GTF2F2: variants seen among roughly 807,000 people sequenced by gnomAD.
GTF2F2 encodes ATP-dependent helicase GTF2F2.
Under a neutral mutation model 42.2 loss-of-function variants are expected in GTF2F2, and 23 were observed. The ratio of observed to expected loss-of-function variants is 0.55; its 90% confidence interval spans 0.39 to 0.77. The LOEUF is 0.77. Among genes scored for constraint, GTF2F2 ranks in the 30% least tolerant of loss-of-function variants. The pLI is 0.00. For synonymous variants in GTF2F2, 105 were observed against 100.8 expected (o/e 1.04, Z -0.25); for missense variants, 261 against 287.2 (o/e 0.91, Z 0.66).
At chr13:45,153,253 C>G (rs568200553) in intron 4 of GTF2F2, among the ~76,000 whole-genome samples, 1 of 151,746 alleles carries the variant, frequency 6.6e-6, no homozygotes, top group Non-Finnish European at 1.5e-5. Context: ...CTCCTGACCT[C>G]GTGATCCGCC....
intron 4 of GTF2F2, among the ~76,000 whole-genome samples, chr13:45,169,093 G>T (rs955809089): frequency 2.6e-5 from 4 of 151,828 alleles, no homozygotes; most frequent in African/African-American, 9.7e-5. Flanking sequence ...GACCTCAAGT[G>T]ATCCGATCGC....
chr13:45,172,989 A>G (rs1871672104), intron 4 of GTF2F2, among the ~76,000 whole-genome samples: 1 of 152,126 alleles, frequency 6.6e-6, no homozygotes, highest in Non-Finnish European at 1.5e-5. Flanking sequence ...ATTTTTGCAA[A>G]AAGTAAAAAG....
rs993805155 is a variant in GTF2F2, at chr13:45,170,264, G to A, written c.304+18433G>A. On this transcript the variant is annotated intron_variant, in intron 4 of 7. Transcript: ENST00000340473. Reference sequence around the variant, plus strand: ...GCTGGTCTCAGACCCCCCCTGCCTTGGCCTGCCAAAGTGTTGGGATTATAG... The same window carrying A: ...GCTGGTCTCAGACCCCCCCTGCCTTAGCCTGCCAAAGTGTTGGGATTATAG... Among the ~76,000 whole-genome samples the A allele has an allele frequency of 2.6e-5, 4 of 152,178 alleles. No homozygotes were observed. In the South Asian group the frequency reaches 6.2e-4, roughly 24 times the overall value.
At chr13:45,267,440 AGT>A (rs1876614765) in intron 7 of GTF2F2, 64 bp downstream of exon 7, 2 of 1,084,252 alleles carry the variant, frequency 1.8e-6, no homozygotes, top group Non-Finnish European at 2.7e-6. Context: ...CATTACTGAA[AGT>A]GTGTCATACA....
chr13:45,219,181 C>T (rs1179269488), intron 5 of GTF2F2, among the ~76,000 whole-genome samples: 1 of 151,440 alleles, frequency 6.6e-6, no homozygotes, highest in East Asian at 1.9e-4. Context: ...AAAAAAATCT[C>T]ATTTCCTTTC....
chr13:45,195,869 G>A (rs1872866460), intron 4 of GTF2F2, among the ~76,000 whole-genome samples: 1 of 151,994 alleles, frequency 6.6e-6, no homozygotes. Context: ...TTGCCCAGAC[G>A]GGTCTCAAAC....
chr13:45,278,816 C>CTTTTTTTTTTTTTG (rs1877136644), intron 7 of GTF2F2, among the ~76,000 whole-genome samples: 1 of 62,300 alleles, frequency 1.6e-5, no homozygotes, highest in African/African-American at 7.0e-5. Flanking sequence ...TTTTCTTTTT[C>CTTTTTTTTTTTTTG]TTTTTTTTTT....
chr13:45,163,533 C>G (rs1433427177), intron 4 of GTF2F2, among the ~76,000 whole-genome samples: 1 of 150,656 alleles, frequency 6.6e-6, no homozygotes, highest in East Asian at 2.0e-4. Context: ...GAGACTCTGT[C>G]TCAAAAAAAA....
chr13:45,147,617 T>G (rs553540654), intron 2 of GTF2F2, among the ~76,000 whole-genome samples: 2 of 152,296 alleles, frequency 1.3e-5, no homozygotes, highest in South Asian at 4.1e-4. Flanking sequence ...TTTTCTCACC[T>G]CGTTTTAAGA....
At chr13:45,242,256 CTTTTTTT>C (rs71184405) in intron 5 of GTF2F2, among the ~76,000 whole-genome samples, 11 of 105,692 alleles carry the variant, frequency 1.0e-4, no homozygotes, top group South Asian at 3.1e-4. Context: ...GCTGGCACTT[CTTTTTTT>C]TTTTTTTTTT....
At chr13:45,258,373 A>AG (rs1399277760) in intron 6 of GTF2F2, among the ~76,000 whole-genome samples, 6 of 151,970 alleles carry the variant, frequency 3.9e-5, no homozygotes, top group South Asian at 2.1e-4. Flanking sequence ...AAAAAAAAAA[A>AG]AAGAAGAAAA....
At chr13:45,202,440 G>GGTGT (rs78236433) in intron 4 of GTF2F2, among the ~76,000 whole-genome samples, 8 of 151,504 alleles carry the variant, frequency 5.3e-5, no homozygotes, top group African/African-American at 1.5e-4. Context: ...CATCTGAGTG[G>GGTGT]GTGTGTGTGT....
At chr13:45,121,429 G>A (rs555876696) in intron 1 of GTF2F2, among the ~76,000 whole-genome samples, 1 of 152,326 alleles carries the variant, frequency 6.6e-6, no homozygotes, top group South Asian at 2.1e-4. Context: ...GATCCTGAAA[G>A]TCGTTGAAAC....
intron 4 of GTF2F2, among the ~76,000 whole-genome samples, chr13:45,159,476 C>T (rs1983827): frequency 0.22 from 33,104 of 152,156 alleles, 3,877 homozygotes; most frequent in African/African-American, 0.27. Flanking sequence ...CTGCAACCTC[C>T]GCCTCCCAGG....
chr13:45,148,446 C>G (rs1000560570), intron 2 of GTF2F2, among the ~76,000 whole-genome samples: 1 of 152,090 alleles, frequency 6.6e-6, no homozygotes, highest in Non-Finnish European at 1.5e-5. Context: ...CATTTGTGAT[C>G]AGACCCTTTT....
chr13:45,271,504 T>C (rs1056786843), intron 7 of GTF2F2, among the ~76,000 whole-genome samples: 1 of 151,814 alleles, frequency 6.6e-6, no homozygotes, highest in Non-Finnish European at 1.5e-5. Flanking sequence ...TGCCTCATCC[T>C]TCTGAGTAGC....
chr13:45,246,133 C>T (rs1361431950), intron 5 of GTF2F2, among the ~76,000 whole-genome samples: 2 of 150,726 alleles, frequency 1.3e-5, no homozygotes, highest in African/African-American at 2.4e-5. Context: ...CTCAGCCTCC[C>T]GAGTAGCTGG....
chr13:45,228,667 A>ATTTTTTT (rs1462185008), intron 5 of GTF2F2, among the ~76,000 whole-genome samples: 1 of 97,100 alleles, frequency 1.0e-5, no homozygotes, highest in African/African-American at 7.8e-5. Flanking sequence ...GCCAGAGTTA[A>ATTTTTTT]TCTTTTTTTT....
At chr13:45,211,510 C>T (rs1873640711) in intron 5 of GTF2F2, among the ~76,000 whole-genome samples, 1 of 151,312 alleles carries the variant, frequency 6.6e-6, no homozygotes, top group African/African-American at 2.4e-5. Context: ...CTCAAGTGAT[C>T]CTCCTACCTC....
Sources: allele counts gnomAD v4.1 joint callset (sites outside exome capture counted in the v4.1 genomes callset), GRCh38; gene constraint gnomAD v4.1.1; transcripts MANE v1.5; gene names NCBI Gene and HGNC (gene_info 2026-07-23, HGNC 2026-07-21).